The following IFT140 variants were observed in gnomAD, a reference collection of about 807,000 sequenced individuals.
IFT140 encodes the protein intraflagellar transport protein 140 homolog.
IFT140 carries 133 observed loss-of-function variants against 164.6 expected under a neutral mutation model. That is an observed-to-expected ratio of 0.81 (90% CI 0.70 to 0.93). The LOEUF (loss-of-function observed/expected upper bound fraction) is 0.93. IFT140 is among the 40% of genes least tolerant of loss of function. IFT140 has a pLI of 0.00. For missense variants in IFT140, 2,045 were observed against 1,972.3 expected, an observed-to-expected ratio of 1.04 and a Z score of -0.70; for synonymous variants, 860 against 817.3, an observed-to-expected ratio of 1.05 and a Z score of -0.89.
At chr16:1,540,229 G>A (rs902372709) in intron 19 of IFT140, among the ~76,000 whole-genome samples, 21 of 152,360 alleles carry the variant, frequency 1.4e-4, no homozygotes, top group African/African-American at 4.6e-4. Flanking sequence ...CAGATGCCTC[G>A]GCTCCAGAGC....
chr16:1,554,115 T>C (rs1376405202), intron 19 of IFT140: 5 of 1,286,766 alleles, frequency 3.9e-6, no homozygotes, highest in Non-Finnish European at 5.1e-6. Flanking sequence ...AAGCACTGAC[T>C]CGGAAGTGAG....
In IFT140 at chr16:1,532,532, G is replaced by C. The variant is rs1021542934; in HGVS notation, c.2400-5736C>G. On this transcript the variant is annotated intron_variant, in intron 19 of 30. Transcript: ENST00000426508. ...GGTCCCAGGAAGTGGCAGCTCTCGG[G>C]ACCGCCCTGAGCCAGGGCCCAAGCA... is the stretch of plus-strand genomic sequence containing the variant. The C allele has an allele frequency of 5.3e-5, 8 of 152,288 alleles. 1 individual carries two copies. Among genetic ancestry groups the C allele is most frequent in the Non-Finnish European group, 1.0e-4 (7 of 68,078 alleles). 9.4% of individuals were successfully genotyped at this position (152,288 alleles called of 1,614,324 possible).
chr16:1,514,119 A>AGG (rs1216233307), intron 30 of IFT140: 4 of 151,032 alleles, frequency 2.6e-5, no homozygotes, highest in Admixed American at 6.6e-5. Context: ...CTGTAATCCC[A>AGG]GCACTTTGGG....
At chr16:1,572,900 C>T (rs73499708) in intron 13 of IFT140, among the ~76,000 whole-genome samples, 3,742 of 152,252 alleles carry the variant, frequency 0.025, 153 homozygotes, top group African/African-American at 0.086. Context: ...GAGTCAGATG[C>T]GAACGGCTGA....
intron 30 of IFT140, chr16:1,514,433 T>G (rs2040284856): frequency 6.6e-6 from 1 of 152,036 alleles, no homozygotes; most frequent in African/African-American, 2.4e-5. Flanking sequence ...AATGTGAAGG[T>G]GGAAACGTTG....
Position 1,562,990 on chromosome 16 carries a change from A to C in IFT140, c.2068-874T>G, listed in dbSNP as rs1398647783. ...AGGGAAGGCAAAGCCTTTCCTTGCT[A>C]CCTGGTGTGAGTTCAGACAAGGGCG... On this transcript the variant is annotated intron_variant, in intron 17 of 30. Transcript: ENST00000426508. Among the ~76,000 whole-genome samples the C allele has an allele frequency of 3.3e-5, 5 of 152,078 alleles. 2 individuals carry two copies. Among genetic ancestry groups the C allele is most frequent in the Admixed American group, 3.3e-4 (5 of 15,290 alleles).
intron 19 of IFT140, among the ~76,000 whole-genome samples, chr16:1,539,141 G>A (rs567923813): frequency 2.8e-5 from 4 of 142,172 alleles, no homozygotes; most frequent in Admixed American, 1.4e-4. Flanking sequence ...ACGGCCCCAC[G>A]CCTCAGGCCT....
intron 8 of IFT140, 138 bp from the exon 9 acceptor site, chr16:1,587,442 C>A: frequency 1.6e-6 from 1 of 636,380 alleles, no homozygotes. Context: ...TGAAAACGAA[C>A]ACTGCTGTTA....
chr16:1,562,978 C>A (rs1331249811), intron 17 of IFT140, among the ~76,000 whole-genome samples: 1 of 152,094 alleles, frequency 6.6e-6, no homozygotes, highest in Admixed American at 6.5e-5. Context: ...GAAGGCAAAG[C>A]CTTTCCTTGC....
At chr16:1,527,401 CAGG>C (rs1418678231) in intron 19 of IFT140, among the ~76,000 whole-genome samples, 1 of 152,182 alleles carries the variant, frequency 6.6e-6, no homozygotes, top group African/African-American at 2.4e-5. Context: ...GCCCTGGAGG[CAGG>C]CCTGCAGACG....
At chr16:1,607,451 A>C (rs1052962378) in intron 2 of IFT140, among the ~76,000 whole-genome samples, 154 bp from the exon 3 acceptor site, 11 of 152,216 alleles carry the variant, frequency 7.2e-5, no homozygotes, top group African/African-American at 2.7e-4. Flanking sequence ...AGGCAACCTG[A>C]TGCGAGGAGA....
chr16:1,537,436 C>T (rs901101376), intron 19 of IFT140, among the ~76,000 whole-genome samples: 1 of 152,248 alleles, frequency 6.6e-6, no homozygotes, highest in Admixed American at 6.5e-5. Context: ...GGACGCGCCC[C>T]GGACATCCTG....
intron 30 of IFT140, among the ~76,000 whole-genome samples, chr16:1,517,344 C>T (rs1180232778): frequency 1.2e-4 from 15 of 128,760 alleles, no homozygotes; most frequent in African/African-American, 4.7e-4. Flanking sequence ...AGTGAGACTC[C>T]GTCTCCAAAA....
In IFT140 at chr16:1,520,267, A is replaced by AT; in HGVS notation, c.3736dup (p.Ile1246AsnfsTer7). ...CAGGTAGTTAGCAGCCATGATGTAG[A>AT]TTTCCTTCTGCCTGGACACGCTCGC... On this transcript the variant is annotated frameshift_variant, in exon 28 of 31. Coordinates refer to ENST00000426508, the MANE Select transcript of IFT140 (RefSeq NM_014714.4). LOFTEE classifies it high-confidence loss of function. The AT allele has an allele frequency of 6.2e-7, 1 of 1,614,160 alleles. No homozygotes were observed. The highest frequency in any genetic ancestry group is 8.5e-7 in the Non-Finnish European group (1 of 1,180,030).
At chr16:1,517,587 C>T (rs771714734) in intron 30 of IFT140, among the ~76,000 whole-genome samples, 1 of 152,164 alleles carries the variant, frequency 6.6e-6, no homozygotes, top group Non-Finnish European at 1.5e-5. Flanking sequence ...CGCTAGAACA[C>T]TGCGGCTGAA....
At chr16:1,514,894 T>C (rs1227981170) in intron 30 of IFT140, among the ~76,000 whole-genome samples, 1 of 152,024 alleles carries the variant, frequency 6.6e-6, no homozygotes, top group African/African-American at 2.4e-5. Flanking sequence ...TTTAAACAAA[T>C]TAACAAATAG....
intron 19 of IFT140, among the ~76,000 whole-genome samples, chr16:1,530,273 C>T (rs1218928740): frequency 6.6e-6 from 1 of 151,354 alleles, no homozygotes; most frequent in Admixed American, 6.6e-5. Flanking sequence ...GTTGGGACTA[C>T]AGGCATGCGC....
In IFT140 at chr16:1,554,274, G is replaced by A. The variant is rs528001168; in HGVS notation, c.2399+3661C>T. 9.2e-6 allele frequency: 4 copies of A among 434,414 alleles called. No homozygotes were observed. In the East Asian group the frequency reaches 2.2e-4, roughly 24 times the overall value. The allele number at this position is 434,414 out of a possible 1,614,324, so 26.9% of individuals were successfully genotyped here. On this transcript the variant is annotated intron_variant, in intron 19 of 30. Coordinates refer to ENST00000426508, the MANE Select transcript of IFT140 (RefSeq NM_014714.4). ...TCAGAAGCATAGCTCTGGGCGCGAT[G>A]AGCACCAAACTGACCTGTTTCCAGA...
At chr16:1,584,538 T>G in intron 10 of IFT140, 118 bp from the exon 11 acceptor site, 1 of 770,896 alleles carries the variant, frequency 1.3e-6, no homozygotes, top group Non-Finnish European at 2.1e-6. Flanking sequence ...GTACCATTGT[T>G]CCGGACTTAA....
Sources: allele counts gnomAD v4.1 joint callset (sites outside exome capture counted in the v4.1 genomes callset), GRCh38; gene constraint gnomAD v4.1.1; transcripts MANE v1.5; gene names NCBI Gene and HGNC (gene_info 2026-07-23, HGNC 2026-07-21).